UGT1A8: variants seen among roughly 807,000 people sequenced by gnomAD.
UGT1A8 encodes the protein UDP glucuronosyltransferase family 1 member A8.
In UGT1A8, 39 loss-of-function variants were observed where a neutral mutation model predicts 45.3. The observed-to-expected ratio is 0.86, with a 90% CI of 0.67 to 1.12. The LOEUF is 1.12. UGT1A8 is among the 50% of genes most tolerant of loss of function. The pLI is 0.00. For synonymous variants in UGT1A8, 275 were observed against 249.2 expected (o/e 1.10, Z -0.97); for missense variants, 719 against 664.9 (o/e 1.08, Z -0.90).
intron 1 of UGT1A8, chr2:233,760,629 G>C: frequency 1.2e-6 from 2 of 1,614,104 alleles, no homozygotes; most frequent in Non-Finnish European, 1.7e-6. Context: ...AAACATACAA[G>C]AAAATAAAAA....
chr2:233,658,528 T>A (rs2125485256), intron 1 of UGT1A8, among the ~76,000 whole-genome samples: 1 of 152,308 alleles, frequency 6.6e-6, no homozygotes, highest in Non-Finnish European at 1.5e-5. Context: ...GTGTGACAGT[T>A]TTTCAGACTT....
chr2:233,638,622 G>C (rs758477149), intron 1 of UGT1A8, among the ~76,000 whole-genome samples: 20 of 152,146 alleles, frequency 1.3e-4, no homozygotes, highest in Non-Finnish European at 2.5e-4. Flanking sequence ...ACGCATAGTT[G>C]CTAAATCCAG....
rs1191601958 is a variant in UGT1A8, at chr2:233,739,349, G to A, written c.856-27685G>A. ...GCCACAGTCCTTCAGAACCCAGAAGGGCAGATCCAATAGCTTGCACTGTGT... is the reference window on the plus strand; with the variant it reads ...GCCACAGTCCTTCAGAACCCAGAAGAGCAGATCCAATAGCTTGCACTGTGT... On this transcript the variant is annotated intron_variant, in intron 1 of 4. Coordinates refer to ENST00000373450, the MANE Select transcript of UGT1A8 (RefSeq NM_019076.5). Among the ~76,000 whole-genome samples, 6 of 152,284 alleles carry A rather than the reference G, an allele frequency of 3.9e-5. No homozygotes were observed. In the East Asian group the frequency reaches 5.8e-4, roughly 15 times the overall value.
intron 1 of UGT1A8, among the ~76,000 whole-genome samples, chr2:233,746,609 G>T (rs1693438310): frequency 6.6e-6 from 1 of 151,680 alleles, no homozygotes; most frequent in Admixed American, 6.5e-5. Flanking sequence ...CTGTTCACCT[G>T]ACCCCTCCTT....
At chr2:233,730,184 G>T (rs1575587766) in intron 1 of UGT1A8, among the ~76,000 whole-genome samples, 1 of 152,132 alleles carries the variant, frequency 6.6e-6, no homozygotes, top group South Asian at 2.1e-4. Context: ...GTTTTAAATG[G>T]TCACTGAGAG....
chr2:233,693,346 T>C, intron 1 of UGT1A8: 1 of 1,614,200 alleles, frequency 6.2e-7, no homozygotes, highest in Non-Finnish European at 8.5e-7. Context: ...AGTACAGGAA[T>C]AACATGATTG....
chr2:233,628,314 A>G (rs2073129122), intron 1 of UGT1A8, among the ~76,000 whole-genome samples: 2 of 144,338 alleles, frequency 1.4e-5, no homozygotes, highest in Non-Finnish European at 3.1e-5. Flanking sequence ...TATGTGGTTT[A>G]TATATATATT....
intron 1 of UGT1A8, among the ~76,000 whole-genome samples, chr2:233,737,879 A>G (rs1333884125): frequency 6.6e-6 from 1 of 152,166 alleles, no homozygotes; most frequent in East Asian, 1.9e-4. Flanking sequence ...TTCCACATTA[A>G]CAAAGCTAAT....
intron 1 of UGT1A8, among the ~76,000 whole-genome samples, chr2:233,696,320 C>A (rs1433749193): frequency 6.6e-6 from 1 of 152,176 alleles, no homozygotes; most frequent in African/African-American, 2.4e-5. Flanking sequence ...TGGTCTTCAT[C>A]CTCATTTCCT....
intron 1 of UGT1A8, among the ~76,000 whole-genome samples, chr2:233,678,402 T>C (rs1327060734): frequency 6.6e-6 from 1 of 152,106 alleles, no homozygotes; most frequent in Non-Finnish European, 1.5e-5. Flanking sequence ...GAGGAGTAGA[T>C]GTTGATTTTG....
chr2:233,623,691 C>T (rs1410489260), intron 1 of UGT1A8, among the ~76,000 whole-genome samples: 2 of 152,114 alleles, frequency 1.3e-5, no homozygotes, highest in East Asian at 3.9e-4. Flanking sequence ...CAACATCTTT[C>T]CATGTAGATC....
At chr2:233,636,801 C>G in intron 1 of UGT1A8, 1 of 1,614,192 alleles carries the variant, frequency 6.2e-7, no homozygotes. Flanking sequence ...TCATGGTTTT[C>G]GCCCATGCTC....
intron 1 of UGT1A8, among the ~76,000 whole-genome samples, chr2:233,654,730 G>A (rs866333934): frequency 2.6e-5 from 4 of 152,160 alleles, no homozygotes; most frequent in Admixed American, 1.3e-4. Context: ...GTAACACAAC[G>A]AGCTGCAAAC....
At chr2:233,696,969 T>C (rs1331149699) in intron 1 of UGT1A8, among the ~76,000 whole-genome samples, 4 of 152,270 alleles carry the variant, frequency 2.6e-5, no homozygotes, top group Admixed American at 2.6e-4. Flanking sequence ...TATTATTGGA[T>C]TTGGTTTGCT....
chr2:233,769,493 G>A lies in UGT1A8; in HGVS notation c.1295+1054G>A. ...TGTGTGTGTGTGCGTGTGTTTATGA[G>A]AGTGTCCATTGCTTTCTCCCATGGT... On this transcript the variant is annotated intron_variant, in intron 4 of 4. Coordinates refer to ENST00000373450, the MANE Select transcript of UGT1A8 (RefSeq NM_019076.5). The surrounding 1 kb of genome is among the most constrained non-coding windows in gnomAD (Gnocchi z 4.4). 1 of 1,612,700 alleles carries A rather than the reference G, an allele frequency of 6.2e-7. No homozygotes were observed. Among genetic ancestry groups the A allele is most frequent in the East Asian group, 2.2e-5 (1 of 44,876 alleles).
intron 1 of UGT1A8, among the ~76,000 whole-genome samples, chr2:233,751,050 G>T (rs1201577547): frequency 6.6e-6 from 1 of 151,910 alleles, no homozygotes; most frequent in Non-Finnish European, 1.5e-5. Context: ...GCCTGGAAAA[G>T]ACACAGACAC....
At chr2:233,692,391 G>A (rs931461847) in intron 1 of UGT1A8, 4 of 155,450 alleles carry the variant, frequency 2.6e-5, no homozygotes, top group Non-Finnish European at 4.3e-5. Context: ...CAAGAAAGAG[G>A]GTGTGTGAAC....
At chr2:233,658,191 G>A (rs1048480287) in intron 1 of UGT1A8, among the ~76,000 whole-genome samples, 4 of 151,858 alleles carry the variant, frequency 2.6e-5, no homozygotes, top group Non-Finnish European at 5.9e-5. Flanking sequence ...GCTAATTTTT[G>A]TATTTTTAGT....
Position 233,769,296 on chromosome 2 carries a change from A to G in UGT1A8, c.1295+857A>G, listed in dbSNP as rs1325242362. 6.6e-6 allele frequency among the ~76,000 whole-genome samples: 1 copy of G among 152,258 alleles called. No homozygotes were observed. Among genetic ancestry groups the G allele is most frequent in the African/African-American group, 2.4e-5 (1 of 41,468 alleles). ...GGCAAATGATTTCTGGATTAAAGTT[A>G]GTATATTACTGTCAAGCTCACTGGT... On this transcript the variant is annotated intron_variant, in intron 4 of 4. Transcript: ENST00000373450. This position sits in a 1 kb window ranked among gnomAD's most constrained non-coding sequence, Gnocchi z 4.4.
Sources: gnomAD v4.1 joint callset for allele counts (sites outside exome capture counted in the v4.1 genomes callset) on GRCh38, gnomAD v4.1.1 for gene constraint, Gnocchi (gnomAD v3.1) non-coding constraint, MANE v1.5 for transcripts, NCBI Gene and HGNC (gene_info 2026-07-23, HGNC 2026-07-21) for gene names.